KCNS3: variants seen among roughly 807,000 people sequenced by gnomAD.
The protein encoded by KCNS3 is delayed-rectifier potassium channel regulatory subunit KCNS3.
In KCNS3, 13 loss-of-function variants were observed where a neutral mutation model predicts 31.0. The observed-to-expected ratio is 0.42, with a 90% CI of 0.27 to 0.67. The LOEUF (loss-of-function observed/expected upper bound fraction) is 0.67, where lower values mean the gene tolerates loss of function less well. Among genes scored for constraint, KCNS3 ranks in the 30% least tolerant of loss-of-function variants. The probability of loss-of-function intolerance (pLI) is 0.25; values close to 1 mark genes in which losing one functional copy is unlikely to be tolerated. For missense variants in KCNS3, 545 were observed against 622.4 expected, an observed-to-expected ratio of 0.88 and a Z score of 1.32; for synonymous variants, 238 against 241.5, an observed-to-expected ratio of 0.99 and a Z score of 0.13.
intron 1 of KCNS3, among the ~76,000 whole-genome samples, chr2:17,910,258 A>G (rs56407709): frequency 0.57 from 87,401 of 152,162 alleles, 27,559 homozygotes; most frequent in Non-Finnish European, 0.73. Context: ...GATCTCTTCA[A>G]TAACTCTGAT....
chr2:17,890,399 ATT>A (rs55788100), intron 1 of KCNS3, among the ~76,000 whole-genome samples: 41,931 of 148,540 alleles, frequency 0.28, 5,948 homozygotes, highest in East Asian at 0.38. Context: ...TATCTTTTGT[ATT>A]TTTTTTTTTT....
At chr2:17,881,559 C>T (rs551129702) in intron 1 of KCNS3, among the ~76,000 whole-genome samples, 2 of 152,322 alleles carry the variant, frequency 1.3e-5, no homozygotes, top group South Asian at 2.1e-4. Context: ...ATCCTGATGA[C>T]AATCTTAGGA....
chr2:17,887,980 A>G (rs1009544177), intron 1 of KCNS3, among the ~76,000 whole-genome samples: 4 of 151,772 alleles, frequency 2.6e-5, no homozygotes, highest in African/African-American at 9.7e-5. Context: ...TTCTTTTGAG[A>G]ATTGTCTATT....
At chr2:17,896,363 A>T (rs1321277361) in intron 1 of KCNS3, among the ~76,000 whole-genome samples, 2 of 151,988 alleles carry the variant, frequency 1.3e-5, no homozygotes, top group East Asian at 3.9e-4. Flanking sequence ...TGTGACTTAT[A>T]GTTTAGAAAA....
chr2:17,931,564 C>T lies in KCNS3; in HGVS notation c.556C>T (p.Leu186Phe), dbSNP rs1396098688. Residue 186 changes from leucine (L) to phenylalanine (F), a missense_variant, in exon 3 of 3, where the codon CTT becomes TTT. Transcript: ENST00000304101. This position sits in a 1 kb window ranked among gnomAD's most constrained non-coding sequence, Gnocchi z 5.4. The stretch of plus-strand genomic sequence containing the variant: ...TCCAGCGTACTGCCTGTCCGCTAAG[C>T]TTATCGCTATCTCCTCCTTGAGCGT... The part of the protein sequence containing the change: ...ENPAYCLSAK[L>F]IAISSLSVVL... 3 of 1,614,080 alleles carry T rather than the reference C, an allele frequency of 1.9e-6. No individual in the cohort carries two copies. The South Asian group carries it at 3.3e-5, about 18-fold the overall frequency.
At chr2:17,918,920 T>C (rs1180953285) in intron 2 of KCNS3, among the ~76,000 whole-genome samples, 1 of 152,242 alleles carries the variant, frequency 6.6e-6, no homozygotes, top group African/African-American at 2.4e-5. Flanking sequence ...AGCTTTCCCA[T>C]GACAGACCTC....
chr2:17,912,084 T>G (rs1481896501), intron 1 of KCNS3, among the ~76,000 whole-genome samples: 2 of 152,230 alleles, frequency 1.3e-5, no homozygotes, highest in African/African-American at 2.4e-5. Context: ...TTGATGGACG[T>G]GCAGGCTGTC....
At chr2:17,925,515 C>T (rs1405068985) in intron 2 of KCNS3, among the ~76,000 whole-genome samples, 1 of 152,146 alleles carries the variant, frequency 6.6e-6, no homozygotes. Context: ...ATTTAATTGA[C>T]TCACAGTTCC....
intron 1 of KCNS3, among the ~76,000 whole-genome samples, chr2:17,881,160 C>T (rs1332004525): frequency 6.6e-6 from 1 of 152,162 alleles, no homozygotes; most frequent in African/African-American, 2.4e-5. Flanking sequence ...ATGGAACCCC[C>T]CAGGTGCATG....
At chr2:17,915,682 A>C (rs1662573315) in intron 1 of KCNS3, among the ~76,000 whole-genome samples, 1 of 152,220 alleles carries the variant, frequency 6.6e-6, no homozygotes, top group Non-Finnish European at 1.5e-5. Context: ...AAATCCTAAA[A>C]AGGTGCTTAG....
rs190618721 is a variant in KCNS3 at position 17,889,269 on chromosome 2, A to G, written c.-252+10463A>G. 5.9e-3 allele frequency among the ~76,000 whole-genome samples: 901 copies of G among 152,306 alleles called. 8 individuals are homozygous for G. The highest frequency in any genetic ancestry group is 0.02 in the African/African-American group (832 of 41,584). ...ATAGAAGAGCTACTGATTTGTGTAC[A>G]TTAATCTTGTATCCAGAAACTTTGC... On this transcript the variant is annotated intron_variant, in intron 1 of 2. Coordinates refer to ENST00000304101, the MANE Select transcript of KCNS3 (RefSeq NM_002252.5).
intron 2 of KCNS3, among the ~76,000 whole-genome samples, chr2:17,930,235 A>G (rs566166413): frequency 2.0e-5 from 3 of 152,274 alleles, no homozygotes; most frequent in South Asian, 4.1e-4. Context: ...AATTACCATA[A>G]AGAGGTTTTC....
intron 1 of KCNS3, among the ~76,000 whole-genome samples, chr2:17,881,039 A>T (rs1410948495): frequency 1.3e-5 from 2 of 152,092 alleles, no homozygotes; most frequent in Admixed American, 6.5e-5. Context: ...TATATCAGAT[A>T]CTCTGCTAGG....
At chr2:17,922,013 A>T (rs1348095842) in intron 2 of KCNS3, among the ~76,000 whole-genome samples, 1 of 146,740 alleles carries the variant, frequency 6.8e-6, no homozygotes, top group East Asian at 2.0e-4. Context: ...ATCTGTACAA[A>T]GTCTGTACAC....
intron 2 of KCNS3, among the ~76,000 whole-genome samples, chr2:17,928,046 C>G (rs1444483104): frequency 6.6e-6 from 1 of 152,190 alleles, no homozygotes; most frequent in Non-Finnish European, 1.5e-5. Flanking sequence ...ATTGGTCACT[C>G]ATATTTGGCT....
intron 2 of KCNS3, among the ~76,000 whole-genome samples, chr2:17,919,821 A>G (rs548572910): frequency 3.3e-5 from 5 of 152,292 alleles, no homozygotes; most frequent in African/African-American, 1.2e-4. Context: ...TTGGAAAGCT[A>G]CTGGAGGTGT....
intron 1 of KCNS3, among the ~76,000 whole-genome samples, chr2:17,885,698 C>T (rs185978644): frequency 6.6e-6 from 1 of 152,280 alleles, no homozygotes; most frequent in East Asian, 1.9e-4. Context: ...TTTAATGAAG[C>T]CCACCAGCAT....
chr2:17,909,772 C>G (rs73222777), intron 1 of KCNS3, among the ~76,000 whole-genome samples: 8,390 of 152,188 alleles, frequency 0.055, 617 homozygotes, highest in African/African-American at 0.17. Flanking sequence ...GGATATGGCT[C>G]ACTTGGCATG....
chr2:17,889,233 G>A (rs7606939), intron 1 of KCNS3, among the ~76,000 whole-genome samples: 44,582 of 151,902 alleles, frequency 0.29, 6,725 homozygotes, highest in East Asian at 0.39. Flanking sequence ...CCGCTTGGTC[G>A]CTGTTGGTGT....
Sources: gnomAD v4.1 joint callset for allele counts (sites outside exome capture counted in the v4.1 genomes callset) on GRCh38, gnomAD v4.1.1 for gene constraint, Gnocchi (gnomAD v3.1) non-coding constraint, MANE v1.5 for transcripts, NCBI Gene and HGNC (gene_info 2026-07-23, HGNC 2026-07-21) for gene names.